Variants in MTCL3 observed in about 807,000 individuals in gnomAD.
MTCL3 encodes microtubule cross-linking factor 3.
chr6:127,519,046 G>T, the MTCL3 span: 3 of 151,844 alleles, frequency 2.0e-5, no homozygotes, highest in African/African-American at 7.3e-5. Flanking sequence ...GAGGGGGACG[G>T]GGGACGGGGG....
chr6:127,497,381 T>C, the MTCL3 span, among the ~76,000 whole-genome samples: 13 of 152,218 alleles, frequency 8.5e-5, no homozygotes, highest in African/African-American at 3.1e-4. Context: ...ATGAGATATA[T>C]TCTTTCCTTA....
chr6:127,501,014 A>G, the MTCL3 span, among the ~76,000 whole-genome samples: 2 of 152,116 alleles, frequency 1.3e-5, no homozygotes, highest in East Asian at 3.9e-4. Flanking sequence ...GGGTTTCACC[A>G]TGTTAGCCAG....
chr6:127,515,620 T>G, the MTCL3 span: 2 of 1,413,102 alleles, frequency 1.4e-6, no homozygotes, highest in Non-Finnish European at 1.8e-6. This position sits in a 1 kb window ranked among gnomAD's most constrained non-coding sequence, Gnocchi z 4.3. Flanking sequence ...CGCTGCCGCC[T>G]GCATGCCCCC....
At chr6:127,516,325 C>T in the MTCL3 span, 1 of 1,595,550 alleles carries the variant, frequency 6.3e-7, no homozygotes, top group Non-Finnish European at 8.5e-7. Flanking sequence ...ACCTCCGCCT[C>T]CTCGGATGCT....
At chr6:127,475,328 C>T in the MTCL3 span, 2 of 1,611,940 alleles carry the variant, frequency 1.2e-6, no homozygotes, top group Non-Finnish European at 8.5e-7. This position sits in a 1 kb window ranked among gnomAD's most constrained non-coding sequence, Gnocchi z 7.3. Flanking sequence ...GCGCCGCGGT[C>T]GTCCGCAGAC....
the MTCL3 span, chr6:127,516,124 C>G: frequency 6.8e-7 from 1 of 1,463,088 alleles, no homozygotes; most frequent in Admixed American, 2.7e-5. Flanking sequence ...TCCCCCTTCT[C>G]CGAGCGGAGG....
chr6:127,512,039 T>C, the MTCL3 span, among the ~76,000 whole-genome samples: 19 of 152,328 alleles, frequency 1.2e-4, no homozygotes, highest in Admixed American at 9.8e-4. Context: ...ACAAGTTGCA[T>C]TGTACATGTT....
At chr6:127,499,194 A>C in the MTCL3 span, among the ~76,000 whole-genome samples, 5 of 152,194 alleles carry the variant, frequency 3.3e-5, no homozygotes, top group Non-Finnish European at 2.9e-5. Context: ...GCGTTAGAAA[A>C]TATTGTACCC....
chr6:127,482,984 A>G, the MTCL3 span: 3 of 1,602,794 alleles, frequency 1.9e-6, no homozygotes, highest in Non-Finnish European at 2.6e-6. The surrounding 1 kb of genome is among the most constrained non-coding windows in gnomAD (Gnocchi z 4.1). Flanking sequence ...TTTAAGGATA[A>G]CTGAAACAAA....
At chr6:127,487,884 A>C in the MTCL3 span, among the ~76,000 whole-genome samples, 1 of 152,196 alleles carries the variant, frequency 6.6e-6, no homozygotes, top group Non-Finnish European at 1.5e-5. Context: ...ATGTTTTATA[A>C]AGACTTGACC....
chr6:127,505,369 G>A, the MTCL3 span, among the ~76,000 whole-genome samples: 1 of 152,148 alleles, frequency 6.6e-6, no homozygotes, highest in Non-Finnish European at 1.5e-5. Flanking sequence ...CCTTTGCAGG[G>A]ACATGAATGG....
At chr6:127,491,058 T>A in the MTCL3 span, among the ~76,000 whole-genome samples, 11 of 152,320 alleles carry the variant, frequency 7.2e-5, no homozygotes, top group Middle Eastern at 3.4e-3. Context: ...GATGAGGAGT[T>A]GTTTCTTATA....
At chr6:127,515,627 C>T in the MTCL3 span, 4 of 1,417,804 alleles carry the variant, frequency 2.8e-6, no homozygotes, top group Non-Finnish European at 2.8e-6. The surrounding 1 kb of genome is among the most constrained non-coding windows in gnomAD (Gnocchi z 4.3). Context: ...GCCTGCATGC[C>T]CCCGCCGCTC....
At chr6:127,508,511 A>G in the MTCL3 span, among the ~76,000 whole-genome samples, 1 of 152,196 alleles carries the variant, frequency 6.6e-6, no homozygotes, top group Non-Finnish European at 1.5e-5. Flanking sequence ...ATAAAAGTCC[A>G]AGATAGATGG....
chr6:127,518,726 G>C, the MTCL3 span: 1 of 152,218 alleles, frequency 6.6e-6, no homozygotes, highest in African/African-American at 2.4e-5. Flanking sequence ...TTCCGGCTGA[G>C]CATGACTTTG....
chr6:127,489,005 C>A, the MTCL3 span, among the ~76,000 whole-genome samples: 2 of 152,170 alleles, frequency 1.3e-5, no homozygotes, highest in African/African-American at 2.4e-5. Context: ...TTCACAGATA[C>A]CACAATTTTT....
chr6:127,516,081 GC>G, the MTCL3 span: 1 of 1,499,044 alleles, frequency 6.7e-7, no homozygotes, highest in Non-Finnish European at 8.8e-7. Flanking sequence ...CCCCGGAGCC[GC>G]CGCCGGCTCC....
the MTCL3 span, among the ~76,000 whole-genome samples, chr6:127,509,105 G>A: frequency 1.3e-5 from 2 of 152,206 alleles, no homozygotes; most frequent in Non-Finnish European, 2.9e-5. Flanking sequence ...TTCTTCTACA[G>A]CAAGAAAGCA....
At chr6:127,475,237 G>A in the MTCL3 span, 7 of 1,517,648 alleles carry the variant, frequency 4.6e-6, no homozygotes, top group East Asian at 9.1e-5. This position sits in a 1 kb window ranked among gnomAD's most constrained non-coding sequence, Gnocchi z 7.3. Flanking sequence ...CCCCAGGGAC[G>A]CGGCTCCACG....
Sources: gnomAD v4.1 joint callset for allele counts (sites outside exome capture counted in the v4.1 genomes callset) on GRCh38, gnomAD v4.1.1 for gene constraint, Gnocchi (gnomAD v3.1) non-coding constraint, MANE v1.5 for transcripts, NCBI Gene and HGNC (gene_info 2026-07-23, HGNC 2026-07-21) for gene names.